CDH19: variants seen among roughly 807,000 people sequenced by gnomAD.
The protein encoded by CDH19 is cadherin 19.
Under a neutral mutation model 64.2 loss-of-function variants are expected in CDH19, and 67 were observed. The observed-to-expected ratio is 1.04, with a 90% confidence interval of 0.86 to 1.28. CDH19 has a LOEUF of 1.28. Ranked by LOEUF, CDH19 falls within the 50% of genes most tolerant of loss-of-function variation. The pLI is 0.00. For missense variants in CDH19, 1,030 were observed against 929.0 expected (o/e 1.11, Z -1.41); for synonymous variants, 346 against 319.3 (o/e 1.08, Z -0.89).
intron 9 of CDH19, among the ~76,000 whole-genome samples, chr18:66,521,702 A>AT (rs1341413464): frequency 1.3e-5 from 2 of 149,982 alleles, no homozygotes; most frequent in African/African-American, 5.0e-5. Flanking sequence ...TGCCCAGCTA[A>AT]TTAAAAAAAA....
At chr18:66,575,614 T>A (rs1471881353) in intron 1 of CDH19, among the ~76,000 whole-genome samples, 1 of 151,866 alleles carries the variant, frequency 6.6e-6, no homozygotes, top group African/African-American at 2.4e-5. Context: ...CAAAGCCGTA[T>A]TCCTAATCTT....
intron 9 of CDH19, among the ~76,000 whole-genome samples, chr18:66,521,400 A>G (rs1025083204): frequency 2.0e-5 from 3 of 152,152 alleles, no homozygotes; most frequent in Non-Finnish European, 4.4e-5. Flanking sequence ...ACTAACTTTT[A>G]TAAAGAACAT....
chr18:66,576,638 G>A (rs1460752784), intron 1 of CDH19, among the ~76,000 whole-genome samples: 3 of 151,330 alleles, frequency 2.0e-5, no homozygotes, highest in African/African-American at 7.3e-5. Flanking sequence ...AATACAAGAT[G>A]AAATAAAACC....
intron 6 of CDH19, 76 bp downstream of exon 6, chr18:66,544,643 A>C: frequency 9.9e-7 from 1 of 1,014,164 alleles, no homozygotes; most frequent in Non-Finnish European, 1.4e-6. Context: ...TGAGTTAAAA[A>C]CTAACCAGCT....
At chr18:66,591,065 C>T (rs1988729579) in intron 1 of CDH19, among the ~76,000 whole-genome samples, 2 of 151,708 alleles carry the variant, frequency 1.3e-5, no homozygotes, top group African/African-American at 2.4e-5. Flanking sequence ...TGATTTGTAC[C>T]TCCATGATAC....
At chr18:66,536,544 G>A (rs112577541) in intron 7 of CDH19, among the ~76,000 whole-genome samples, 2 of 151,836 alleles carry the variant, frequency 1.3e-5, no homozygotes, top group African/African-American at 4.8e-5. Flanking sequence ...AAGTTTGACA[G>A]GATGTTATAG....
chr18:66,505,266 C>A lies in CDH19; in HGVS notation c.1865G>T (p.Arg622Ile). 1.3e-6 allele frequency: 2 copies of A among 1,583,336 alleles called. No individual in the cohort carries two copies. The highest frequency in any genetic ancestry group is 8.5e-7 in the Non-Finnish European group (1 of 1,169,810). The part of the protein sequence containing the change: ...IFLTLGLKQR[R>I]KQILFPEKSE... ...TTTCTCAGGAAATAGAATCTGTTTT[C>A]TCCGTTGTTTTAAACCCAAAGTCAA... Residue 622 changes from arginine to isoleucine, a missense_variant, in exon 12 of 12, where the codon AGA becomes ATA. Coordinates refer to ENST00000262150, the MANE Select transcript of CDH19 (RefSeq NM_021153.4).
intron 4 of CDH19, among the ~76,000 whole-genome samples, chr18:66,552,458 G>T (rs9953902): frequency 0.032 from 3,812 of 119,392 alleles, 160 homozygotes; most frequent in African/African-American, 0.07. Flanking sequence ...TTTAGTTGCG[G>T]ACTAAAGTGT....
At chr18:66,568,383 A>T in intron 3 of CDH19, 33 bp downstream of exon 3, 1 of 1,519,846 alleles carries the variant, frequency 6.6e-7, no homozygotes, top group Non-Finnish European at 9.0e-7. Context: ...CTTCATTGTT[A>T]ATATATCTTT....
rs569661424 is a variant in CDH19, at chr18:66,592,473, C to T, written c.-113+11481G>A. 7.7e-4 allele frequency among the ~76,000 whole-genome samples: 117 copies of T among 151,846 alleles called. 1 individual carries two copies. Among genetic ancestry groups the T allele is most frequent in the African/African-American group, 2.6e-3 (110 of 41,528 alleles). On this transcript the variant is annotated intron_variant, in intron 1 of 11. Coordinates refer to ENST00000262150, the MANE Select transcript of CDH19 (RefSeq NM_021153.4). The stretch of plus-strand genomic sequence containing the variant: ...TCACTGTACAGTGCTATAGAAAAGA[C>T]GAATTTGTTCCTCCTCTCTAGCCAT...
chr18:66,601,619 G>T (rs1404293851), intron 1 of CDH19, among the ~76,000 whole-genome samples: 1 of 151,844 alleles, frequency 6.6e-6, no homozygotes, highest in Non-Finnish European at 1.5e-5. Context: ...TATAATTATT[G>T]AGTAATTAAT....
At chr18:66,510,434 A>G (rs1985419947) in intron 10 of CDH19, among the ~76,000 whole-genome samples, 1 of 148,710 alleles carries the variant, frequency 6.7e-6, no homozygotes, top group Non-Finnish European at 1.5e-5. Flanking sequence ...ATTAATCTAT[A>G]TATACAAATA....
chr18:66,601,094 C>T lies in CDH19; in HGVS notation c.-113+2860G>A, dbSNP rs192243093. Among the ~76,000 whole-genome samples the T allele has an allele frequency of 2.4e-4, 37 of 151,842 alleles. No homozygotes were observed. In the East Asian group the frequency reaches 5.4e-3, roughly 22 times the overall value. ...TGAAAATTCAGAGATGCATCTATAC[C>T]TTTTCTCTTTGCCTTTATTATTATT... On this transcript the variant is annotated intron_variant, in intron 1 of 11. Transcript: ENST00000262150.
intron 11 of CDH19, among the ~76,000 whole-genome samples, chr18:66,506,917 T>C (rs377436696): frequency 2.3e-3 from 347 of 152,074 alleles, no homozygotes; most frequent in African/African-American, 7.4e-3. Context: ...TTAGAACTCA[T>C]ATGATATATA....
chr18:66,596,881 G>T (rs1988905009), intron 1 of CDH19, among the ~76,000 whole-genome samples: 1 of 150,852 alleles, frequency 6.6e-6, no homozygotes, highest in Non-Finnish European at 1.5e-5. Flanking sequence ...AGGAGATCGA[G>T]ACCATCCCGG....
intron 1 of CDH19, among the ~76,000 whole-genome samples, chr18:66,585,364 T>A (rs895474281): frequency 2.0e-5 from 3 of 152,074 alleles, no homozygotes; most frequent in Non-Finnish European, 4.4e-5. Context: ...CTAAAGACAG[T>A]TTGCTGGAGA....
intron 3 of CDH19, among the ~76,000 whole-genome samples, chr18:66,558,185 T>C (rs1164695588): frequency 6.7e-6 from 1 of 148,762 alleles, no homozygotes; most frequent in Non-Finnish European, 1.5e-5. Context: ...ATATAATATA[T>C]ATATTTAAGA....
At chr18:66,518,861 CTAA>C (rs1403607743) in intron 9 of CDH19, among the ~76,000 whole-genome samples, 2 of 142,954 alleles carry the variant, frequency 1.4e-5, no homozygotes, top group African/African-American at 5.0e-5. Context: ...TCATTCCAGT[CTAA>C]TGACTTTTTT....
intron 8 of CDH19, among the ~76,000 whole-genome samples, chr18:66,531,270 T>C (rs565380462): frequency 6.6e-6 from 1 of 152,096 alleles, no homozygotes; most frequent in Middle Eastern, 3.4e-3. Flanking sequence ...CAAAAAAGAA[T>C]TGGGGAGAAT....
Sources: gnomAD v4.1 joint callset for allele counts (sites outside exome capture counted in the v4.1 genomes callset) on GRCh38, gnomAD v4.1.1 for gene constraint, MANE v1.5 for transcripts, NCBI Gene and HGNC (gene_info 2026-07-23, HGNC 2026-07-21) for gene names.